The following CUL1 variants were observed in gnomAD, a reference collection of about 807,000 sequenced individuals.
CUL1 encodes cullin 1.
CUL1 carries 24 observed loss-of-function variants against 118.0 expected under a neutral mutation model. The ratio of observed to expected loss-of-function variants is 0.20; its 90% confidence interval spans 0.15 to 0.29. The LOEUF is 0.29. Among genes scored for constraint, CUL1 ranks in the 10% least tolerant of loss-of-function variants. The probability of loss-of-function intolerance (pLI) is 1.00; values close to 1 mark genes in which losing one functional copy is unlikely to be tolerated. For missense variants in CUL1, 361 were observed against 933.8 expected (o/e 0.39, Z 7.99); for synonymous variants, 332 against 340.4 (o/e 0.98, Z 0.27).
intron 2 of CUL1, among the ~76,000 whole-genome samples, chr7:148,742,862 C>T (rs1400455752): frequency 1.3e-5 from 2 of 152,142 alleles, no homozygotes; most frequent in African/African-American, 4.8e-5. Flanking sequence ...CCTCAGCCTC[C>T]CAAAGTGCTG....
At chr7:148,754,544 A>C (rs1265656847) in intron 3 of CUL1, among the ~76,000 whole-genome samples, 1 of 152,118 alleles carries the variant, frequency 6.6e-6, no homozygotes, top group Admixed American at 6.5e-5. Context: ...TAAATTACCA[A>C]CCATTTTGGA....
intron 1 of CUL1, among the ~76,000 whole-genome samples, chr7:148,705,238 GTTTC>G (rs1163822047): frequency 2.0e-5 from 3 of 152,090 alleles, no homozygotes; most frequent in South Asian, 4.1e-4. Flanking sequence ...CAGTGTGGAA[GTTTC>G]TTTTTTTTAG....
At chr7:148,739,374 C>T (rs935129113) in intron 2 of CUL1, among the ~76,000 whole-genome samples, 9 of 152,304 alleles carry the variant, frequency 5.9e-5, no homozygotes, top group African/African-American at 1.9e-4. Context: ...ATAAGATCTG[C>T]TTTCACTCCT....
intron 19 of CUL1, 120 bp from the exon 20 acceptor site, chr7:148,798,451 TC>T: frequency 1.5e-6 from 1 of 688,248 alleles, no homozygotes; most frequent in East Asian, 2.7e-5. Flanking sequence ...CTCACAGAAA[TC>T]AACATTCTCC....
At chr7:148,749,760 C>A (rs1189400645) in intron 2 of CUL1, among the ~76,000 whole-genome samples, 1 of 152,140 alleles carries the variant, frequency 6.6e-6, no homozygotes, top group South Asian at 2.1e-4. Flanking sequence ...CACTTTAGAT[C>A]AAAAACTAGC....
chr7:148,762,364 T>G (rs1452931142), intron 7 of CUL1, among the ~76,000 whole-genome samples: 1 of 152,226 alleles, frequency 6.6e-6, no homozygotes, highest in Non-Finnish European at 1.5e-5. Flanking sequence ...TGAAAGTCCT[T>G]GACAAATCTC....
rs766401835 is a variant in CUL1 at position 148,783,626 on chromosome 7, A to G, written c.1084-157A>G. 10 of 1,537,580 alleles carry G rather than the reference A, an allele frequency of 6.5e-6. 1 individual carries two copies. The African/African-American group carries it at 9.6e-5, about 15-fold the overall frequency. ...ACAAAATGTCCTATGTGTTTCAACGATGGTACCAAAAGTATTTCTTGCTCT... is the reference window on the plus strand; with the variant it reads ...ACAAAATGTCCTATGTGTTTCAACGGTGGTACCAAAAGTATTTCTTGCTCT... On this transcript the variant is annotated intron_variant, in intron 9 of 21. Transcript: ENST00000325222.
chr7:148,748,889 T>G (rs1212339628), intron 2 of CUL1, among the ~76,000 whole-genome samples: 2 of 152,272 alleles, frequency 1.3e-5, no homozygotes, highest in Non-Finnish European at 2.9e-5. Flanking sequence ...GTTTAACTCT[T>G]AGAACGAACA....
intron 2 of CUL1, among the ~76,000 whole-genome samples, chr7:148,751,237 C>A (rs2129460251): frequency 6.6e-6 from 1 of 151,988 alleles, no homozygotes; most frequent in East Asian, 1.9e-4. Context: ...ATAGCAAGAC[C>A]CCATCTCTAC....
chr7:148,717,431 A>G (rs1798249264), intron 1 of CUL1, among the ~76,000 whole-genome samples: 1 of 152,150 alleles, frequency 6.6e-6, no homozygotes, highest in Non-Finnish European at 1.5e-5. Context: ...TATAAATTTG[A>G]GCCTTTGTCA....
chr7:148,783,610 C>T, intron 9 of CUL1, 173 bp from the exon 10 acceptor site: 3 of 1,527,910 alleles, frequency 2.0e-6, no homozygotes, highest in East Asian at 2.5e-5. Flanking sequence ...AACAAAATGT[C>T]CTATGTGTTT....
At chr7:148,707,418 A>G (rs750760804) in intron 1 of CUL1, among the ~76,000 whole-genome samples, 7 of 152,236 alleles carry the variant, frequency 4.6e-5, no homozygotes, top group Non-Finnish European at 8.8e-5. Context: ...TTTAAAGCAT[A>G]TGGGAGACAA....
Position 148,790,745 on chromosome 7 carries a change from G to A in CUL1, c.1806+304G>A, listed in dbSNP as rs191705991. 1.2e-3 allele frequency among the ~76,000 whole-genome samples: 189 copies of A among 152,278 alleles called. 1 individual carries two copies. The highest frequency in any genetic ancestry group is 2.7e-3 in the Admixed American group (41 of 15,290). The stretch of plus-strand genomic sequence containing the variant: ...ATGTATTTAGTAAGTGTTTGGCACC[G>A]CTCCTGCCTGACACACATCAGCTGT... On this transcript the variant is annotated intron_variant, in intron 16 of 21. Coordinates refer to ENST00000325222, the MANE Select transcript of CUL1 (RefSeq NM_003592.3).
intron 18 of CUL1, 27 bp downstream of exon 18, chr7:148,797,886 C>T: frequency 6.2e-7 from 1 of 1,610,710 alleles, no homozygotes; most frequent in Non-Finnish European, 8.5e-7. Flanking sequence ...TTATCTTACA[C>T]TAGAAGAAGC....
chr7:148,791,375 T>C (rs1486514456), intron 16 of CUL1, among the ~76,000 whole-genome samples: 2 of 152,250 alleles, frequency 1.3e-5, no homozygotes. Context: ...TTTTCGTAAA[T>C]CTACTGTGAC....
At chr7:148,725,219 G>A (rs1289879515) in intron 1 of CUL1, among the ~76,000 whole-genome samples, 3,870 of 140,094 alleles carry the variant, frequency 0.028, 194 homozygotes, top group African/African-American at 0.1. Context: ...ACACGCGCGC[G>A]CTCACACACA....
chr7:148,699,887 G>A (rs568129456), intron 1 of CUL1, among the ~76,000 whole-genome samples: 153 of 152,126 alleles, frequency 1.0e-3, no homozygotes, highest in Non-Finnish European at 1.9e-3. Context: ...TGGGACTTGG[G>A]GTCCCCAGAC....
intron 3 of CUL1, among the ~76,000 whole-genome samples, chr7:148,755,694 T>C (rs1330889535): frequency 6.6e-6 from 1 of 152,228 alleles, no homozygotes; most frequent in Non-Finnish European, 1.5e-5. Flanking sequence ...TCAGTGATAT[T>C]TTTGCATTTT....
At chr7:148,741,282 G>T (rs1036944575) in intron 2 of CUL1, among the ~76,000 whole-genome samples, 1 of 152,180 alleles carries the variant, frequency 6.6e-6, no homozygotes, top group Non-Finnish European at 1.5e-5. Context: ...GTTATTTCTG[G>T]GTCAGATGGT....
Sources: allele counts gnomAD v4.1 joint callset (sites outside exome capture counted in the v4.1 genomes callset), GRCh38; gene constraint gnomAD v4.1.1; transcripts MANE v1.5; gene names NCBI Gene and HGNC (gene_info 2026-07-23, HGNC 2026-07-21).